NPR3: variants seen among roughly 807,000 people sequenced by gnomAD.
NPR3 encodes natriuretic peptide receptor 3, also known as atrial natriuretic peptide receptor 3.
NPR3 carries 34 observed loss-of-function variants against 54.5 expected under a neutral mutation model. The observed-to-expected ratio is 0.62, with a 90% CI of 0.47 to 0.83. The LOEUF is 0.83. Ranked by LOEUF, NPR3 falls within the 40% of genes least tolerant of loss-of-function variation. The pLI is 0.00. For missense variants in NPR3, 674 were observed against 720.8 expected (o/e 0.94, Z 0.74); for synonymous variants, 289 against 297.1 (o/e 0.97, Z 0.28).
chr5:32,728,829 G>GTATATATATATA (rs1456034881), intron 2 of NPR3, among the ~76,000 whole-genome samples: 4 of 76,194 alleles, frequency 5.2e-5, no homozygotes, highest in East Asian at 3.9e-4. Context: ...GTGTGTGTGT[G>GTATATATATATA]TGTGTGTGTA....
intron 3 of NPR3, among the ~76,000 whole-genome samples, chr5:32,754,498 A>G (rs1028251727): frequency 4.6e-5 from 7 of 152,174 alleles, no homozygotes; most frequent in African/African-American, 1.7e-4. Context: ...GGGTCCAGCC[A>G]ATTGTTAAGA....
At position 32,783,108 on chromosome 5, in the gene NPR3, C is replaced by G. The variant is rs772459364; in HGVS notation, c.1426+80C>G. ...ATGTAAGTTTAAAACCCAAGTGTTT[C>G]TAGGGCCTTACATTTTGGAATTTTA... On this transcript the variant is annotated intron_variant, in intron 6 of 7. Transcript: ENST00000265074. The G allele has an allele frequency of 4.4e-6, 6 of 1,357,056 alleles. No homozygotes were observed. In the East Asian group the frequency reaches 1.5e-4, roughly 34 times the overall value. The allele number at this position is 1,357,056 out of a possible 1,614,324, so 84.1% of individuals were successfully genotyped here.
In NPR3 at chr5:32,725,459, G is replaced by A. The variant is rs565364150; in HGVS notation, c.892+639G>A. ...AGATATCATGTACCTATGATGTCAAGACACCTGTCTGGGTATGAGCGTAGC... is the reference window on the plus strand; with the variant it reads ...AGATATCATGTACCTATGATGTCAAAACACCTGTCTGGGTATGAGCGTAGC... On this transcript the variant is annotated intron_variant, in intron 2 of 7. Coordinates refer to ENST00000265074, the MANE Select transcript of NPR3 (RefSeq NM_001204375.2). Among the ~76,000 whole-genome samples the A allele has an allele frequency of 5.3e-5, 8 of 152,254 alleles. No individual in the cohort carries two copies. In the South Asian group the frequency reaches 1.7e-3, roughly 32 times the overall value.
intron 3 of NPR3, among the ~76,000 whole-genome samples, chr5:32,755,722 G>C (rs1401723348): frequency 6.6e-6 from 1 of 152,164 alleles, no homozygotes; most frequent in Non-Finnish European, 1.5e-5. Context: ...TTTGAAATTT[G>C]TTCCTTCCTT....
Position 32,784,889 on chromosome 5 carries a change from G to T in NPR3, c.1514+6G>T. The T allele has an allele frequency of 6.2e-7, 1 of 1,605,634 alleles. No individual in the cohort carries two copies. The highest frequency in any genetic ancestry group is 1.3e-5 in the African/African-American group (1 of 74,898). ...ATGGCCTTCTACTTTTTCAGGTGAG[G>T]ACGGTTTGTAAAGGTACAATTCACT... On this transcript the variant is annotated splice_donor_region_variant and intron_variant, in intron 7 of 7. Coordinates refer to ENST00000265074, the MANE Select transcript of NPR3 (RefSeq NM_001204375.2).
At chr5:32,752,973 G>T (rs1740650442) in intron 3 of NPR3, among the ~76,000 whole-genome samples, 1 of 152,136 alleles carries the variant, frequency 6.6e-6, no homozygotes, top group African/African-American at 2.4e-5. Flanking sequence ...GAAGAACTTG[G>T]GAATCTCCTG....
upstream of NPR3, among the ~76,000 whole-genome samples, chr5:32,706,744 G>A (rs1246982615): frequency 6.6e-6 from 1 of 151,888 alleles, no homozygotes; most frequent in East Asian, 1.9e-4. Flanking sequence ...ACTTCTCTTT[G>A]TTTCCTGATC....
rs1278415078 is a variant in NPR3, at chr5:32,791,121, CATT to C, written c.*4780_*4782del. 6.0e-6 allele frequency: 1 copy of C among 167,066 alleles called. No homozygotes were observed. Among genetic ancestry groups the C allele is most frequent in the Non-Finnish European group, 1.5e-5 (1 of 68,118 alleles). 10.3% of individuals were successfully genotyped at this position (167,066 alleles called of 1,614,324 possible). ...AGATTTGGAAACAGGGTGGCCTCTT[CATT>C]ATTTATTGCCAAGATCTGAAAATCT... On this transcript the variant is annotated 3_prime_UTR_variant, in exon 8 of 8. Transcript: ENST00000265074.
At chr5:32,701,759 T>A (rs1309039928) in intron 1 of NPR3, among the ~76,000 whole-genome samples, 1 of 152,254 alleles carries the variant, frequency 6.6e-6, no homozygotes, top group Non-Finnish European at 1.5e-5. Flanking sequence ...AGTCATGCTG[T>A]GGCTTTTGCA....
chr5:32,746,035 A>G (rs1194868238), intron 3 of NPR3, among the ~76,000 whole-genome samples: 1 of 152,214 alleles, frequency 6.6e-6, no homozygotes. Context: ...CACAAAAAAC[A>G]ACATATACCT....
intron 3 of NPR3, among the ~76,000 whole-genome samples, chr5:32,760,192 T>C (rs1479885567): frequency 6.6e-6 from 1 of 152,160 alleles, no homozygotes; most frequent in African/African-American, 2.4e-5. Context: ...ATACGTTTTT[T>C]TGCGGACCCA....
At chr5:32,759,223 TATTGTGTGGG>T (rs904662349) in intron 3 of NPR3, among the ~76,000 whole-genome samples, 2 of 152,218 alleles carry the variant, frequency 1.3e-5, no homozygotes, top group Non-Finnish European at 1.5e-5. Context: ...TTCCCATTAT[TATTGTGTGGG>T]AGTCTAAGTC....
At position 32,789,293 on chromosome 5, in the gene NPR3, G is replaced by T. The variant is rs1217560857; in HGVS notation, c.*2948G>T. ...GTCTTCTTAGATTTTTGGGTAGGGG[G>T]GCCAGGTAGGGGGAGACTCAGAAAT... is the stretch of plus-strand genomic sequence containing the variant. On this transcript the variant is annotated 3_prime_UTR_variant, in exon 8 of 8. Coordinates refer to ENST00000265074, the MANE Select transcript of NPR3 (RefSeq NM_001204375.2). 2 of 422,442 alleles carry T rather than the reference G, an allele frequency of 4.7e-6. No individual in the cohort carries two copies. The highest frequency in any genetic ancestry group is 9.5e-6 in the Non-Finnish European group (2 of 210,550). The allele number at this position is 422,442 out of a possible 1,614,324, so 26.2% of individuals were successfully genotyped here.
Position 32,712,153 on chromosome 5 carries a change from C to T in NPR3, c.377C>T (p.Ala126Val). ...LVDRVAAARG[A>V]KPDLILGPVC... ...GACCGCGTGGCGGCGGCGCGGGGCG[C>T]CAAGCCAGACCTTATCCTGGGGCCA... The change falls in exon 1 of 8, where the codon GCC becomes GTC. Residue 126 changes from alanine to valine, a missense_variant. Transcript: ENST00000265074. 1.2e-6 allele frequency: 2 copies of T among 1,613,330 alleles called. No individual in the cohort carries two copies. Among genetic ancestry groups the T allele is most frequent in the Non-Finnish European group, 1.7e-6 (2 of 1,179,774 alleles).
chr5:32,785,065 T>C (rs1742537923), intron 7 of NPR3, among the ~76,000 whole-genome samples, 182 bp downstream of exon 7: 2 of 151,738 alleles, frequency 1.3e-5, no homozygotes, highest in Admixed American at 6.6e-5. Context: ...TTTAGCATAC[T>C]GGGTGCCAGG....
In NPR3 at chr5:32,786,298, C is replaced by T. The variant is rs375127645; in HGVS notation, c.1579C>T (p.Arg527Trp). The change falls in exon 8 of 8, where the codon CGG (arginine) becomes TGG (tryptophan). Residue 527 changes from arginine (R) to tryptophan (W), a missense_variant. Coordinates refer to ENST00000265074, the MANE Select transcript of NPR3 (RefSeq NM_001204375.2). ...AGAAGAAAGTAACCTTGGAAAACAT[C>T]GGGAATTACGGGAAGATTCCATCAG... ...QQEESNLGKH[R>W]ELREDSIRSH... 1.6e-5 allele frequency: 25 copies of T among 1,587,602 alleles called. No individual in the cohort carries two copies. The highest frequency in any genetic ancestry group is 1.7e-4 in the Middle Eastern group (1 of 6,040).
chr5:32,728,774 C>T (rs888793935), intron 2 of NPR3, among the ~76,000 whole-genome samples: 2 of 138,186 alleles, frequency 1.4e-5, no homozygotes, highest in Non-Finnish European at 3.1e-5. Flanking sequence ...TTGGTATTAA[C>T]GTGCTTCAGA....
At chr5:32,710,908 GTGTGTGTGTA>G (rs1738186118), upstream of NPR3, 1 of 927,984 alleles carries the variant, frequency 1.1e-6, no homozygotes, top group Non-Finnish European at 1.5e-6. Context: ...GTGTGTGTGT[GTGTGTGTGTA>G]TGTGTGCGTG....
chr5:32,748,486 AC>A (rs1169995574), intron 3 of NPR3, among the ~76,000 whole-genome samples: 1 of 152,116 alleles, frequency 6.6e-6, no homozygotes, highest in Non-Finnish European at 1.5e-5. Context: ...TTTTCCTAAG[AC>A]TCCAAAGGTA....
Sources: gnomAD v4.1 joint callset for allele counts (sites outside exome capture counted in the v4.1 genomes callset) on GRCh38, gnomAD v4.1.1 for gene constraint, MANE v1.5 for transcripts, NCBI Gene and HGNC (gene_info 2026-07-23, HGNC 2026-07-21) for gene names.